The following SMAD2 variants were observed in gnomAD, a reference collection of about 807,000 sequenced individuals.
SMAD2 encodes SMAD family member 2.
SMAD2 carries 8 observed loss-of-function variants against 64.4 expected under a neutral mutation model. The ratio of observed to expected loss-of-function variants is 0.12; its 90% CI spans 0.07 to 0.22. SMAD2 has a LOEUF of 0.22. Among genes scored for constraint, SMAD2 ranks in the 10% least tolerant of loss-of-function variants. SMAD2 has a pLI of 1.00. For synonymous variants in SMAD2, 203 were observed against 195.8 expected (o/e 1.04, Z -0.31); for missense variants, 289 against 561.2 (o/e 0.51, Z 4.90).
intron 1 of SMAD2, among the ~76,000 whole-genome samples, chr18:47,908,489 G>C (rs1279885206): frequency 6.6e-6 from 1 of 151,638 alleles, no homozygotes; most frequent in Non-Finnish European, 1.5e-5. Context: ...TAAGAAAAAG[G>C]TATGTTATAA....
intron 4 of SMAD2, 49 bp from the exon 5 acceptor site, chr18:47,868,506 T>TG: frequency 1.3e-6 from 2 of 1,533,672 alleles, no homozygotes; most frequent in Non-Finnish European, 1.8e-6. Context: ...CAAAGGGGAG[T>TG]GGGGGAACCT....
chr18:47,914,745 C>T (rs373333185), intron 1 of SMAD2, among the ~76,000 whole-genome samples: 3 of 152,152 alleles, frequency 2.0e-5, no homozygotes, highest in Admixed American at 6.5e-5. Flanking sequence ...TTAATTACTA[C>T]TGCTTTCTAG....
intron 1 of SMAD2, among the ~76,000 whole-genome samples, chr18:47,917,921 A>C (rs938722591): frequency 4.6e-5 from 7 of 152,134 alleles, no homozygotes; most frequent in African/African-American, 1.4e-4. Context: ...ACAGAAGCAA[A>C]ATTTTAATGG....
intron 1 of SMAD2, among the ~76,000 whole-genome samples, chr18:47,920,908 A>C (rs1051559595): frequency 1.3e-5 from 2 of 152,210 alleles, no homozygotes; most frequent in Non-Finnish European, 2.9e-5. Flanking sequence ...TAATCCCAAA[A>C]CTTTGAGGGG....
intron 6 of SMAD2, among the ~76,000 whole-genome samples, chr18:47,861,597 G>A (rs1190802720): frequency 1.3e-5 from 2 of 152,126 alleles, no homozygotes; most frequent in Non-Finnish European, 2.9e-5. Flanking sequence ...ATCAAAAACT[G>A]TTTAACACAT....
chr18:47,822,264 T>C lies in SMAD2; in HGVS notation c.*19563A>G, dbSNP rs1912600897. 1 of 152,252 alleles carries C rather than the reference T, an allele frequency of 6.6e-6. No individual in the cohort carries two copies. The highest frequency in any genetic ancestry group is 1.5e-5 in the Non-Finnish European group (1 of 68,042). The allele number at this position is 152,252 out of a possible 1,614,324, so 9.4% of individuals were successfully genotyped here. ...TAAACTCTCATCAGATTTTTAATCA[T>C]GGTTATTCTAAGTTTTTGTAATTCC... On this transcript the variant is annotated 3_prime_UTR_variant, in exon 11 of 11. Transcript: ENST00000262160.
intron 1 of SMAD2, among the ~76,000 whole-genome samples, chr18:47,909,064 C>T (rs2034017384): frequency 8.2e-6 from 1 of 121,302 alleles, no homozygotes; most frequent in African/African-American, 3.0e-5. Context: ...GTAAGAACTA[C>T]AGCTAAAAAA....
intron 3 of SMAD2, 127 bp from the exon 4 acceptor site, chr18:47,869,563 T>G: frequency 1.4e-6 from 1 of 717,136 alleles, no homozygotes. Context: ...TAGTTAGTTT[T>G]AGTGAGAATC....
At chr18:47,895,844 CTTACAT>C (rs932686927) in intron 2 of SMAD2, 1 of 152,668 alleles carries the variant, frequency 6.6e-6, no homozygotes, top group African/African-American at 2.4e-5. Context: ...TTAGAGAATT[CTTACAT>C]TTAACAATCT....
chr18:47,850,239 T>TTACA (rs1915025874), intron 7 of SMAD2, among the ~76,000 whole-genome samples: 2 of 62,580 alleles, frequency 3.2e-5, no homozygotes, highest in African/African-American at 1.3e-4. Context: ...ATATTATATA[T>TTACA]TATATATTAT....
intron 10 of SMAD2, among the ~76,000 whole-genome samples, chr18:47,844,449 A>G (rs1332688393): frequency 1.3e-5 from 2 of 152,204 alleles, no homozygotes; most frequent in Admixed American, 1.3e-4. Flanking sequence ...AAATATGGTC[A>G]AGAAGTCTTC....
chr18:47,868,403 G>C lies in SMAD2; in HGVS notation c.575C>G (p.Pro192Arg), dbSNP rs2144373584. ...RHTEILTELPPLDDYTHSIPE... is the reference protein window; with the variant it reads ...RHTEILTELPRLDDYTHSIPE... ...AATGGAGTGAGTATAGTCATCCAGA[G>C]GCGGAAGTTCTGTTAGGATCTCGGT... The change falls in exon 5 of 11, where the codon CCT (proline) becomes CGT (arginine). Residue 192 changes from proline to arginine, a missense_variant. By Grantham distance (103) the Pro-to-Arg change is moderately radical (BLOSUM62 -2). Around this residue, in one of 6 missense-constraint regions of SMAD2, gnomAD observed 119 missense variants for 156.7 expected, o/e 0.76. Transcript: ENST00000262160. The C allele has an allele frequency of 6.2e-7, 1 of 1,610,540 alleles. No individual in the cohort carries two copies. Among genetic ancestry groups the C allele is most frequent in the Non-Finnish European group, 8.5e-7 (1 of 1,176,996 alleles).
chr18:47,833,021 C>T lies in SMAD2; in HGVS notation c.*8806G>A, dbSNP rs1211468290. 6 of 175,992 alleles carry T rather than the reference C, an allele frequency of 3.4e-5. No individual in the cohort carries two copies. Among genetic ancestry groups the T allele is most frequent in the Non-Finnish European group, 6.1e-5 (5 of 81,622 alleles). The allele number at this position is 175,992 out of a possible 1,614,324, so 10.9% of individuals were successfully genotyped here. On this transcript the variant is annotated 3_prime_UTR_variant, in exon 11 of 11. Transcript: ENST00000262160. Reference sequence around the variant, plus strand: ...GTTTCCATATAATTTAGGGAGTGAACACCAAAATGTAATCCCATATAAAAA... The same window carrying T: ...GTTTCCATATAATTTAGGGAGTGAATACCAAAATGTAATCCCATATAAAAA...
rs547190676 is a variant in SMAD2, at chr18:47,816,265, G to A, written c.*25562C>T. 6.6e-6 allele frequency: 1 copy of A among 152,174 alleles called. No individual in the cohort carries two copies. Among genetic ancestry groups the A allele is most frequent in the African/African-American group, 2.4e-5 (1 of 41,516 alleles). 9.4% of individuals were successfully genotyped at this position (152,174 alleles called of 1,614,324 possible). A position where few individuals can be genotyped will look rare whatever the true frequency, so the allele number is the denominator to read the frequency against. On this transcript the variant is annotated 3_prime_UTR_variant, in exon 11 of 11. Coordinates refer to ENST00000262160, the MANE Select transcript of SMAD2 (RefSeq NM_005901.6). Reference sequence around the variant, plus strand: ...CCTATGTATTGTTCAGAAGTTTTAGGTCTTATGAAAAAAAGATTTTTATAA... The same window carrying A: ...CCTATGTATTGTTCAGAAGTTTTAGATCTTATGAAAAAAAGATTTTTATAA...
At chr18:47,889,853 G>C (rs1356802031) in intron 2 of SMAD2, among the ~76,000 whole-genome samples, 1 of 152,030 alleles carries the variant, frequency 6.6e-6, no homozygotes, top group Non-Finnish European at 1.5e-5. Flanking sequence ...GCCTATTTTA[G>C]CTAGGTTGAC....
At chr18:47,873,714 T>A (rs1250193846) in intron 2 of SMAD2, among the ~76,000 whole-genome samples, 1 of 152,024 alleles carries the variant, frequency 6.6e-6, no homozygotes, top group African/African-American at 2.4e-5. Flanking sequence ...CAGACACAGA[T>A]CAAAAACAGA....
intron 1 of SMAD2, among the ~76,000 whole-genome samples, chr18:47,925,900 C>T (rs1403665396): frequency 6.6e-6 from 1 of 152,204 alleles, no homozygotes; most frequent in Admixed American, 6.5e-5. Context: ...AAGAAACCCT[C>T]AACAGAGAGA....
chr18:47,929,714 G>T (rs192879419), intron 1 of SMAD2, among the ~76,000 whole-genome samples: 2 of 152,178 alleles, frequency 1.3e-5, no homozygotes, highest in Admixed American at 6.6e-5. Flanking sequence ...ACATTTTAAG[G>T]ATAAGTAAAA....
At chr18:47,853,537 A>G (rs1598770533) in intron 6 of SMAD2, 1 of 185,336 alleles carries the variant, frequency 5.4e-6, no homozygotes, top group East Asian at 1.7e-4. Flanking sequence ...AGGGAAAAAA[A>G]AAAAAGAGTA....
Sources: allele counts gnomAD v4.1 joint callset (sites outside exome capture counted in the v4.1 genomes callset), GRCh38; gene constraint gnomAD v4.1.1; regional missense constraint gnomAD v4.1.1; transcripts MANE v1.5; gene names NCBI Gene and HGNC (gene_info 2026-07-23, HGNC 2026-07-21).